Variants in HDAC9 observed in about 807,000 individuals in gnomAD.
HDAC9 encodes the protein MEF-2 interacting transcription repressor (MITR) protein.
Under a neutral mutation model 139.4 loss-of-function variants are expected in HDAC9, and 41 were observed. The observed-to-expected ratio is 0.29, with a 90% CI of 0.23 to 0.38. HDAC9 has a LOEUF of 0.38. Ranked by LOEUF, HDAC9 falls within the 10% of genes least tolerant of loss-of-function variation. The pLI is 1.00. For synonymous variants in HDAC9, 517 were observed against 476.2 expected (o/e 1.09, Z -1.12); for missense variants, 1,147 against 1,297.0 (o/e 0.88, Z 1.78).
chr7:18,745,713 A>T (rs970543325), intron 13 of HDAC9, among the ~76,000 whole-genome samples: 6 of 150,242 alleles, frequency 4.0e-5, no homozygotes, highest in African/African-American at 1.5e-4. Context: ...CGCCTGGCTA[A>T]TTTTTTGTAT....
Position 18,334,408 on chromosome 7 carries a change from A to C in HDAC9, c.-42+43893A>C, listed in dbSNP as rs192074577. Among the ~76,000 whole-genome samples, 24 of 151,634 alleles carry C rather than the reference A, an allele frequency of 1.6e-4. No individual in the cohort carries two copies. In the South Asian group the frequency reaches 2.3e-3, roughly 14 times the overall value. On this transcript the variant is annotated intron_variant, in intron 1 of 3. Transcript: ENST00000413509. ...AAACATCTCACCAGAGATGGATAAA[A>C]AGCTATTCCTGCAGGAAAATATTAA...
chr7:18,783,181 A>T lies in HDAC9; in HGVS notation c.2215-10164A>T, dbSNP rs367668288. 7.6e-4 allele frequency among the ~76,000 whole-genome samples: 115 copies of T among 152,222 alleles called. 2 individuals carry two copies. In the South Asian group the frequency reaches 0.023, roughly 30 times the overall value. ...TTCTCTCTTGGTACAATTTATGTTG[A>T]TAGGTGTAACTTATTAATACAAATT... On this transcript the variant is annotated intron_variant, in intron 16 of 25. Transcript: ENST00000686413.
Position 18,627,410 on chromosome 7 carries a change from T to A in HDAC9, c.665-1940T>A, listed in dbSNP as rs1841997109. Among the ~76,000 whole-genome samples, 2 of 152,224 alleles carry A rather than the reference T, an allele frequency of 1.3e-5. 1 individual carries two copies. The highest frequency in any genetic ancestry group is 1.3e-4 in the Admixed American group (2 of 15,280). On this transcript the variant is annotated intron_variant, in intron 6 of 25. Coordinates refer to ENST00000686413, the MANE Select transcript of HDAC9 (RefSeq NM_178425.4). ...AATGTAGTTAGCACCTAGGGATTCATGGTTCTTTATTTTTCCTTTCTAGGT... is the reference window on the plus strand; with the variant it reads ...AATGTAGTTAGCACCTAGGGATTCAAGGTTCTTTATTTTTCCTTTCTAGGT...
chr7:18,874,338 G>T, intron 21 of HDAC9, 140 bp from the exon 22 acceptor site: 1 of 516,782 alleles, frequency 1.9e-6, no homozygotes, highest in Non-Finnish European at 3.6e-6. Context: ...ATACGCTTTT[G>T]TCCCATTCAA....
intron 1 of HDAC9, among the ~76,000 whole-genome samples, chr7:18,330,201 A>G (rs192032124): frequency 1.3e-5 from 2 of 151,816 alleles, no homozygotes; most frequent in Non-Finnish European, 3.0e-5. Context: ...AATGAAACCC[A>G]GGGCATCTGT....
intron 2 of HDAC9, 171 bp downstream of exon 2, chr7:18,496,495 C>G: frequency 1.6e-6 from 1 of 609,462 alleles, no homozygotes; most frequent in Non-Finnish European, 2.9e-6. Context: ...ATTACTGTTT[C>G]TGTGCATATT....
intron 1 of HDAC9, among the ~76,000 whole-genome samples, chr7:18,104,194 A>G (rs1783045344): frequency 6.6e-6 from 1 of 152,188 alleles, no homozygotes; most frequent in South Asian, 2.1e-4. Context: ...ATAATGAAAC[A>G]AATGAAATGA....
intron 1 of HDAC9, among the ~76,000 whole-genome samples, chr7:18,093,830 A>G (rs899822545): frequency 6.6e-6 from 1 of 152,114 alleles, no homozygotes; most frequent in Admixed American, 6.5e-5. Flanking sequence ...TGCCTCTGAA[A>G]TCTATTCATA....
intron 6 of HDAC9, among the ~76,000 whole-genome samples, chr7:18,618,448 G>T (rs1839278099): frequency 6.6e-6 from 1 of 151,946 alleles, no homozygotes; most frequent in African/African-American, 2.4e-5. Context: ...CAGGGGATAG[G>T]TATTGCCTTT....
At chr7:18,648,819 C>G in intron 11 of HDAC9, 136 bp downstream of exon 11, 1 of 733,986 alleles carries the variant, frequency 1.4e-6, no homozygotes, top group Admixed American at 2.4e-5. Flanking sequence ...AGCCTGCTTT[C>G]TTGGCTCAAG....
At chr7:18,994,719 T>C (rs1345589820) in intron 25 of HDAC9, among the ~76,000 whole-genome samples, 3 of 152,246 alleles carry the variant, frequency 2.0e-5, no homozygotes, top group Non-Finnish European at 4.4e-5. Context: ...ACTTTATTTG[T>C]CAGCACCTTT....
At chr7:18,204,650 T>G (rs1791367574) in intron 2 of HDAC9, among the ~76,000 whole-genome samples, 1 of 152,020 alleles carries the variant, frequency 6.6e-6, no homozygotes, top group Non-Finnish European at 1.5e-5. Flanking sequence ...GTAAATAAAA[T>G]GCGTGTGTGT....
At chr7:18,104,861 T>C (rs1202557433) in intron 1 of HDAC9, among the ~76,000 whole-genome samples, 1 of 152,130 alleles carries the variant, frequency 6.6e-6, no homozygotes, top group African/African-American at 2.4e-5. Flanking sequence ...AATTTAAATT[T>C]TGAATTAATC....
intron 2 of HDAC9, among the ~76,000 whole-genome samples, chr7:18,501,812 C>T (rs999090233): frequency 2.0e-5 from 3 of 152,094 alleles, no homozygotes; most frequent in African/African-American, 4.8e-5. Context: ...CACCCCCACA[C>T]AAAGCTACCA....
chr7:18,511,262 C>T (rs1320786086), intron 2 of HDAC9, among the ~76,000 whole-genome samples: 1 of 152,200 alleles, frequency 6.6e-6, no homozygotes, highest in Non-Finnish European at 1.5e-5. Flanking sequence ...CCCCTAGTCT[C>T]TCACTATTTA....
chr7:18,234,743 A>G lies in HDAC9; in HGVS notation c.25+72394A>G, dbSNP rs540794718. Among the ~76,000 whole-genome samples, 35 of 152,352 alleles carry G rather than the reference A, an allele frequency of 2.3e-4. No individual in the cohort carries two copies. In the East Asian group the frequency reaches 3.3e-3, roughly 14 times the overall value. On this transcript the variant is annotated intron_variant, in intron 2 of 12. Transcript: ENST00000417496. ...GTAGGTTCACAGAGACAGCTGGGAT[A>G]TAGAGATAGTGGAACAAAATCCCTC...
Position 18,496,328 on chromosome 7 carries a change from A to G in HDAC9, c.22+4A>G. On this transcript the variant is annotated splice_donor_region_variant and intron_variant, in intron 2 of 25. Coordinates refer to ENST00000686413, the MANE Select transcript of HDAC9 (RefSeq NM_178425.4). ...ATGCACAGTATGATCAGCTCAGGTA[A>G]GATCCTCTTTCATAACTGAGACGTT... 6.2e-7 allele frequency: 1 copy of G among 1,612,038 alleles called. No homozygotes were observed. The highest frequency in any genetic ancestry group is 8.5e-7 in the Non-Finnish European group (1 of 1,178,604).
At chr7:18,942,919 T>A (rs2129315837) in intron 23 of HDAC9, among the ~76,000 whole-genome samples, 1 of 151,814 alleles carries the variant, frequency 6.6e-6, no homozygotes, top group East Asian at 1.9e-4. Flanking sequence ...GAAAAGAGTA[T>A]CATACAAAAT....
At chr7:18,187,608 C>G (rs1489256633) in intron 2 of HDAC9, among the ~76,000 whole-genome samples, 1 of 152,132 alleles carries the variant, frequency 6.6e-6, no homozygotes, top group Non-Finnish European at 1.5e-5. Context: ...ATTTTTGTTG[C>G]CAACCTTTTG....
Sources: gnomAD v4.1 joint callset for allele counts (sites outside exome capture counted in the v4.1 genomes callset) on GRCh38, gnomAD v4.1.1 for gene constraint, MANE v1.5 for transcripts, NCBI Gene and HGNC (gene_info 2026-07-23, HGNC 2026-07-21) for gene names.